Variants in GRAMD1B observed in about 807,000 individuals in gnomAD.
GRAMD1B encodes GRAM domain containing 1B, also known as protein Aster-B.
In GRAMD1B, 37 loss-of-function variants were observed where a neutral mutation model predicts 99.7. The ratio of observed to expected loss-of-function variants is 0.37; its 90% CI spans 0.29 to 0.49. GRAMD1B has a LOEUF of 0.49. GRAMD1B is among the 20% of genes least tolerant of loss of function. The probability of loss-of-function intolerance (pLI) is 0.98; values close to 1 mark genes in which losing one functional copy is unlikely to be tolerated. For synonymous variants in GRAMD1B, 427 were observed against 387.6 expected, an observed-to-expected ratio of 1.10 and a Z score of -1.19; for missense variants, 888 against 1,009.2, an observed-to-expected ratio of 0.88 and a Z score of 1.63.
chr11:123,426,505 C>T (rs118129327), upstream of GRAMD1B, among the ~76,000 whole-genome samples: 3,019 of 152,286 alleles, frequency 0.02, 46 homozygotes, highest in Middle Eastern at 0.041. Context: ...CGTTTCTGTC[C>T]GTATTTCCAG....
intron 1 of GRAMD1B, among the ~76,000 whole-genome samples, chr11:123,457,367 T>G (rs548521268): frequency 1.1e-4 from 16 of 152,296 alleles, no homozygotes; most frequent in Admixed American, 2.0e-4. Flanking sequence ...CTTTCCCCAC[T>G]GTCCAGCCAG....
intron 2 of GRAMD1B, among the ~76,000 whole-genome samples, chr11:123,515,097 C>T (rs1243978588): frequency 1.3e-5 from 2 of 152,212 alleles, no homozygotes. Flanking sequence ...AGAACTGACA[C>T]GACGTAGTTC....
At chr11:123,440,522 A>C (rs1190352384) in intron 1 of GRAMD1B, among the ~76,000 whole-genome samples, 1 of 152,236 alleles carries the variant, frequency 6.6e-6, no homozygotes, top group African/African-American at 2.4e-5. Context: ...AGAAAAAAAA[A>C]GTCAGCATAT....
In GRAMD1B at chr11:123,371,535, C is replaced by G. The variant is rs555257237; in HGVS notation, c.-176+12736C>G. On this transcript the variant is annotated intron_variant, in intron 1 of 20. Coordinates refer to the GRAMD1B transcript ENST00000638157. ...CTCTCACTTTATGAACTTTTAGGCC[C>G]ATGAAGTGAATTTTCTAGGCCATTC... is the stretch of plus-strand genomic sequence containing the variant. Among the ~76,000 whole-genome samples, 3 of 152,244 alleles carry G rather than the reference C, an allele frequency of 2.0e-5. No individual in the cohort carries two copies. The South Asian group carries it at 6.2e-4, about 32-fold the overall frequency.
intron 1 of GRAMD1B, among the ~76,000 whole-genome samples, chr11:123,415,095 CTTTTTTTTTTTTTTTTT>C (rs1175202539): frequency 2.6e-5 from 2 of 75,816 alleles, no homozygotes; most frequent in African/African-American, 5.3e-5. Flanking sequence ...CTTTTTCTTT[CTTTTTTTTTTTTTTTTT>C]TTTTTTTTTG....
chr11:123,554,866 C>T (rs1169557759), intron 2 of GRAMD1B, among the ~76,000 whole-genome samples: 2 of 152,184 alleles, frequency 1.3e-5, no homozygotes, highest in Non-Finnish European at 2.9e-5. Flanking sequence ...AAGAAGGCTC[C>T]CTGCACTTCC....
chr11:123,376,539 G>A (rs1288190104), intron 1 of GRAMD1B, among the ~76,000 whole-genome samples: 1 of 152,120 alleles, frequency 6.6e-6, no homozygotes, highest in Non-Finnish European at 1.5e-5. Context: ...CAGACAATCG[G>A]AACTATCTTA....
intron 17 of GRAMD1B, among the ~76,000 whole-genome samples, chr11:123,616,052 G>A (rs1275069): frequency 0.33 from 50,827 of 152,006 alleles, 9,823 homozygotes; most frequent in South Asian, 0.5. Flanking sequence ...GGCTGGGCGC[G>A]GTGGCTCACA....
chr11:123,604,123 T>C (rs1488237749), intron 9 of GRAMD1B, among the ~76,000 whole-genome samples: 5 of 152,138 alleles, frequency 3.3e-5, no homozygotes, highest in Non-Finnish European at 5.9e-5. Context: ...TTTAGGCAAG[T>C]TGAAATTGAG....
At chr11:123,579,256 T>G (rs1592104839) in intron 3 of GRAMD1B, among the ~76,000 whole-genome samples, 5 of 151,720 alleles carry the variant, frequency 3.3e-5, no homozygotes, top group Admixed American at 3.3e-4. Flanking sequence ...GGCAAGGAGG[T>G]GGGATGCAGC....
intron 1 of GRAMD1B, among the ~76,000 whole-genome samples, chr11:123,465,053 G>A (rs1287040732): frequency 6.6e-6 from 1 of 152,140 alleles, no homozygotes; most frequent in East Asian, 1.9e-4. Context: ...CCGGAGCTTG[G>A]TGGAACACTA....
intron 18 of GRAMD1B, 88 bp downstream of exon 18, chr11:123,618,888 T>C: frequency 1.3e-6 from 1 of 768,836 alleles, no homozygotes; most frequent in East Asian, 2.7e-5. Context: ...ACTGCCTCAC[T>C]GCCCTTCCCC....
chr11:123,535,420 TG>T (rs1489414617), intron 2 of GRAMD1B, among the ~76,000 whole-genome samples: 2 of 152,168 alleles, frequency 1.3e-5, no homozygotes, highest in Non-Finnish European at 2.9e-5. Flanking sequence ...CTAAAGCCTG[TG>T]CTCTCGACCT....
At position 123,606,614 on chromosome 11, in the gene GRAMD1B, T is replaced by C; in HGVS notation, c.1329T>C (p.Asp443=). Residue 443 remains aspartate, a synonymous_variant, in exon 11 of 20, where the codon GAT becomes GAC. Coordinates refer to ENST00000635736, the MANE Select transcript of GRAMD1B (RefSeq NM_001387025.1). The part of the protein sequence containing the change: ...TGSSEAPVSF[D]GLPLEEEALE... ...CTCCTCTGTCTTGGCTCCAGTTTGA[T>C]GGGCTGCCCCTGGAGGAAGAGGCGC... 1 of 1,609,288 alleles carries C rather than the reference T, an allele frequency of 6.2e-7. No homozygotes were observed. Among genetic ancestry groups the C allele is most frequent in the Non-Finnish European group, 8.5e-7 (1 of 1,178,102 alleles).
At chr11:123,605,892 G>A (rs909933348) in intron 10 of GRAMD1B, among the ~76,000 whole-genome samples, 8 of 152,126 alleles carry the variant, frequency 5.3e-5, no homozygotes, top group Non-Finnish European at 7.3e-5. Context: ...TTGAGTATAC[G>A]TATTGTGGCT....
intron 2 of GRAMD1B, among the ~76,000 whole-genome samples, chr11:123,543,805 T>C (rs970916503): frequency 1.3e-5 from 2 of 152,236 alleles, no homozygotes; most frequent in East Asian, 1.9e-4. Context: ...TTCAGCCCGC[T>C]GCCTGTTTTT....
At chr11:123,584,374 T>TGGGGGGGAAAGGGTGTGGGGTGCGATTGG in intron 4 of GRAMD1B, 42 bp downstream of exon 4, 1 of 141,016 alleles carries the variant, frequency 7.1e-6, no homozygotes, top group Non-Finnish European at 1.2e-5. Flanking sequence ...ACCTGAGAAA[T>TGGGGGGGAAAGGGTGTGGGGTGCGATTGG]GGGAGGGGGA....
intron 10 of GRAMD1B, 67 bp downstream of exon 10, chr11:123,605,545 T>A (rs915141942): frequency 7.7e-7 from 1 of 1,297,228 alleles, no homozygotes; most frequent in Non-Finnish European, 1.1e-6. Context: ...CATAGTTCAC[T>A]GGGAACCCAA....
At chr11:123,516,834 T>C (rs1941715215) in intron 2 of GRAMD1B, among the ~76,000 whole-genome samples, 1 of 152,254 alleles carries the variant, frequency 6.6e-6, no homozygotes, top group African/African-American at 2.4e-5. Flanking sequence ...TGTTGGATTA[T>C]TGACTTGAGA....
Sources: gnomAD v4.1 joint callset for allele counts (sites outside exome capture counted in the v4.1 genomes callset) on GRCh38, gnomAD v4.1.1 for gene constraint, MANE v1.5 for transcripts, NCBI Gene and HGNC (gene_info 2026-07-23, HGNC 2026-07-21) for gene names.